The following DAB2 variants were observed in gnomAD, a reference collection of about 807,000 sequenced individuals.
DAB2 encodes the protein DAB adaptor protein 2.
DAB2 carries 28 observed loss-of-function variants against 71.6 expected under a neutral mutation model. The ratio of observed to expected loss-of-function variants is 0.39; its 90% CI spans 0.29 to 0.54. The LOEUF is 0.54. Ranked by LOEUF, DAB2 falls within the 20% of genes least tolerant of loss-of-function variation. The pLI is 0.68. For synonymous variants in DAB2, 345 were observed against 339.7 expected (o/e 1.02, Z -0.17); for missense variants, 867 against 928.8 (o/e 0.93, Z 0.86).
chr5:39,382,607 A>C lies in DAB2; in HGVS notation c.1341+11T>G. The C allele has an allele frequency of 6.2e-7, 1 of 1,608,936 alleles. No individual in the cohort carries two copies. Among genetic ancestry groups the C allele is most frequent in the Non-Finnish European group, 8.5e-7 (1 of 1,175,856 alleles). On this transcript the variant is annotated intron_variant, in intron 10 of 14. Coordinates refer to ENST00000320816, the MANE Select transcript of DAB2 (RefSeq NM_001343.4). ...CACTCTGCTAATGGATATGTGGAGA[A>C]GACAATTCACCTTAGCAGTCCTTCT...
At chr5:39,398,701 A>T (rs1239516503) in intron 1 of DAB2, among the ~76,000 whole-genome samples, 1 of 152,156 alleles carries the variant, frequency 6.6e-6, no homozygotes, top group Admixed American at 6.5e-5. Flanking sequence ...AATGTTCAAG[A>T]CTTATTGCAA....
Position 39,377,065 on chromosome 5 carries a change from G to C in DAB2, c.1722C>G (p.Gly574=), listed in dbSNP as rs1347225794. The C allele has an allele frequency of 6.2e-7, 1 of 1,614,008 alleles. No individual in the cohort carries two copies. Among genetic ancestry groups the C allele is most frequent in the Non-Finnish European group, 8.5e-7 (1 of 1,180,028 alleles). The change falls in exon 12 of 15, where the codon GGC becomes GGG. Residue 574 remains glycine, a synonymous_variant. Transcript: ENST00000320816. ...CATTGGGTGCCACAGATGCAGAAGG[G>C]CCCCAGACAACAGGCACTGGAGGGG... is the stretch of plus-strand genomic sequence containing the variant. ...STPPPVPVVW[G]PSASVAPNAW...
At chr5:39,400,947 A>T (rs62358448) in intron 1 of DAB2, among the ~76,000 whole-genome samples, 4,193 of 152,320 alleles carry the variant, frequency 0.028, 90 homozygotes, top group South Asian at 0.086. Context: ...AACCTCTAAG[A>T]CAGACCTCGG....
intron 9 of DAB2, among the ~76,000 whole-genome samples, chr5:39,387,312 C>T (rs905092985): frequency 6.6e-6 from 1 of 152,110 alleles, no homozygotes; most frequent in African/African-American, 2.4e-5. Context: ...ACATTTCCCC[C>T]CATTATTCTA....
Position 39,393,376 on chromosome 5 carries a change from C to A in DAB2, c.109G>T (p.Glu37Ter). ...EKKKGPEKTD[E>*]YLLARFKGDG... ...CCTTTGAACCTTGCTAAGAGATATTCATCTGTCTTTTCAGGGCCTGAGAAA... is the reference window on the plus strand; with the variant it reads ...CCTTTGAACCTTGCTAAGAGATATTAATCTGTCTTTTCAGGGCCTGAGAAA... The change falls in exon 3 of 15, where the codon GAA becomes TAA. Residue 37 changes from glutamate (E) to a stop codon, truncating the protein, a stop_gained. Coordinates refer to ENST00000320816, the MANE Select transcript of DAB2 (RefSeq NM_001343.4). LOFTEE classifies it high-confidence loss of function. 6.2e-7 allele frequency: 1 copy of A among 1,613,892 alleles called. No homozygotes were observed. The highest frequency in any genetic ancestry group is 8.5e-7 in the Non-Finnish European group (1 of 1,179,952).
intron 1 of DAB2, among the ~76,000 whole-genome samples, chr5:39,410,452 C>A (rs1755697174): frequency 6.6e-6 from 1 of 152,024 alleles, no homozygotes. Context: ...TTCTTATAAA[C>A]CTTATACTAC....
intron 1 of DAB2, among the ~76,000 whole-genome samples, chr5:39,403,605 T>C (rs1755548446): frequency 6.6e-6 from 1 of 152,222 alleles, no homozygotes; most frequent in Non-Finnish European, 1.5e-5. Context: ...TCATTAATAT[T>C]GATTTGGCTG....
intron 1 of DAB2, among the ~76,000 whole-genome samples, chr5:39,401,791 C>T (rs1345016589): frequency 2.7e-5 from 4 of 147,766 alleles, no homozygotes; most frequent in East Asian, 2.0e-4. Context: ...CTTGCTCTGT[C>T]GCCCAGGCTG....
chr5:39,410,943 A>G (rs1404842031), intron 1 of DAB2, among the ~76,000 whole-genome samples: 2 of 152,134 alleles, frequency 1.3e-5, no homozygotes, highest in Non-Finnish European at 2.9e-5. Flanking sequence ...TATCACATTA[A>G]TGGTCCAGGT....
chr5:39,375,155 C>A (rs374020731), intron 13 of DAB2, 71 bp from the exon 14 acceptor site: 2 of 1,145,024 alleles, frequency 1.7e-6, no homozygotes. Flanking sequence ...ATGAAGACTT[C>A]CAAAATTCTT....
chr5:39,389,708 C>T (rs62358401), intron 6 of DAB2, 144 bp downstream of exon 6: 15,559 of 531,930 alleles, frequency 0.029, 296 homozygotes, highest in Non-Finnish European at 0.036. Flanking sequence ...GATGAGGTTT[C>T]GCCATGTTGG....
At chr5:39,412,466 G>A (rs2367584) in intron 1 of DAB2, among the ~76,000 whole-genome samples, 144,272 of 152,192 alleles carry the variant, frequency 0.95, 68,759 homozygotes, top group African/African-American at 0.99. Flanking sequence ...TCTAGAGCTT[G>A]GGATATACCA....
In DAB2 at chr5:39,388,861, A is replaced by ATAGCAAATATTTAAGG. The variant is rs760639504; in HGVS notation, c.571-25_571-10dup. 1 of 1,609,782 alleles carries ATAGCAAATATTTAAGG rather than the reference A, an allele frequency of 6.2e-7. No homozygotes were observed. The highest frequency in any genetic ancestry group is 1.3e-5 in the African/African-American group (1 of 74,968). On this transcript the variant is annotated splice_polypyrimidine_tract_variant and intron_variant, in intron 7 of 14. Transcript: ENST00000320816. ...AGGGCCTCACTCCCATTCTGAAAAG[A>ATAGCAAATATTTAAGG]TAGCAAATATTTAAGGATTTAGTTG...
intron 3 of DAB2, 111 bp downstream of exon 3, chr5:39,393,143 T>C: frequency 8.9e-7 from 1 of 1,128,622 alleles, no homozygotes; most frequent in Non-Finnish European, 1.3e-6. Flanking sequence ...GATAATGTGA[T>C]TAAAAGCAGT....
intron 6 of DAB2, 145 bp from the exon 7 acceptor site, chr5:39,389,268 T>C: frequency 1.4e-5 from 8 of 586,856 alleles, no homozygotes; most frequent in Non-Finnish European, 2.4e-5. Context: ...CCTCCCCTTT[T>C]CATATCAATA....
At chr5:39,410,345 T>C (rs571170343) in intron 1 of DAB2, among the ~76,000 whole-genome samples, 190 of 152,316 alleles carry the variant, frequency 1.2e-3, no homozygotes, top group Non-Finnish European at 2.1e-3. Context: ...AACATCATAT[T>C]CTTTTTACTT....
chr5:39,387,874 T>C (rs1755136811), intron 9 of DAB2: 1 of 155,290 alleles, frequency 6.4e-6, no homozygotes, highest in Admixed American at 6.4e-5. Context: ...ACTGAGCCAC[T>C]TGTTTGTTTT....
chr5:39,417,887 C>T, intron 1 of DAB2: 1 of 152,192 alleles, frequency 6.6e-6, no homozygotes, highest in East Asian at 1.9e-4. Flanking sequence ...AATTCTAGTA[C>T]ATGTATGCTC....
In DAB2 at chr5:39,390,571, A is replaced by T. The variant is rs897928406; in HGVS notation, c.335T>A (p.Ile112Lys). The T allele has an allele frequency of 1.2e-6, 2 of 1,608,834 alleles. No homozygotes were observed. Among genetic ancestry groups the T allele is most frequent in the African/African-American group, 1.3e-5 (1 of 74,662 alleles). ...IKIIDEKTGV[I>K]EHEHPVNKIS... ...CTTATTTACTGGATGTTCATGCTCTATTACCTTAAAAAAGAACATAAAGAG... is the reference window on the plus strand; with the variant it reads ...CTTATTTACTGGATGTTCATGCTCTTTTACCTTAAAAAAGAACATAAAGAG... The change falls in exon 5 of 15, where the codon ATA (isoleucine) becomes AAA (lysine). Residue 112 changes from isoleucine to lysine, a missense_variant. Ile to Lys is a moderately radical substitution (Grantham distance 102, BLOSUM62 -3). This residue lies in a region of DAB2 where 127 missense variants were observed against 194.4 expected (regional missense o/e 0.65). Coordinates refer to ENST00000320816, the MANE Select transcript of DAB2 (RefSeq NM_001343.4).
Sources: gnomAD v4.1 joint callset for allele counts (sites outside exome capture counted in the v4.1 genomes callset) on GRCh38, gnomAD v4.1.1 for gene constraint, gnomAD v4.1.1 regional missense constraint, MANE v1.5 for transcripts, NCBI Gene and HGNC (gene_info 2026-07-23, HGNC 2026-07-21) for gene names.